Variants in BMPR1B observed in about 807,000 individuals in gnomAD.
BMPR1B encodes the protein bone morphogenetic protein receptor type 1B.
BMPR1B carries 12 observed loss-of-function variants against 59.1 expected under a neutral mutation model. That is an observed-to-expected ratio of 0.20 (90% CI 0.13 to 0.33). The LOEUF (loss-of-function observed/expected upper bound fraction) is 0.33. Among genes scored for constraint, BMPR1B ranks in the 10% least tolerant of loss-of-function variants. BMPR1B has a pLI of 1.00. For missense variants in BMPR1B, 550 were observed against 610.9 expected, an observed-to-expected ratio of 0.90 and a Z score of 1.05; for synonymous variants, 237 against 207.3, an observed-to-expected ratio of 1.14 and a Z score of -1.23.
At chr4:94,993,498 G>A (rs577830865) in intron 2 of BMPR1B, among the ~76,000 whole-genome samples, 7 of 151,782 alleles carry the variant, frequency 4.6e-5, no homozygotes, top group South Asian at 4.2e-4. Context: ...AGTGGCTCAC[G>A]CTTGTAATCC....
intron 1 of BMPR1B, among the ~76,000 whole-genome samples, chr4:94,841,377 A>G (rs1418554490): frequency 6.7e-6 from 1 of 150,330 alleles, no homozygotes; most frequent in African/African-American, 2.5e-5. Context: ...GCCGCCTTGC[A>G]GTTTGATCTC....
At chr4:94,866,724 C>T (rs1322756863) in intron 1 of BMPR1B, among the ~76,000 whole-genome samples, 1 of 152,112 alleles carries the variant, frequency 6.6e-6, no homozygotes, top group Non-Finnish European at 1.5e-5. Context: ...AGCTGGATTA[C>T]AGGCATGCGC....
chr4:94,968,856 A>T (rs1578862428), intron 2 of BMPR1B, among the ~76,000 whole-genome samples: 1 of 152,136 alleles, frequency 6.6e-6, no homozygotes, highest in Non-Finnish European at 1.5e-5. Context: ...ATTTGCCTAC[A>T]TATTCTCATG....
At chr4:94,835,022 C>A (rs1480327609) in intron 1 of BMPR1B, among the ~76,000 whole-genome samples, 1 of 151,226 alleles carries the variant, frequency 6.6e-6, no homozygotes, top group Non-Finnish European at 1.5e-5. Flanking sequence ...ATTTGACAAC[C>A]ATTAATTTAT....
intron 1 of BMPR1B, among the ~76,000 whole-genome samples, chr4:94,825,324 G>A (rs1386115527): frequency 6.6e-6 from 1 of 152,010 alleles, no homozygotes; most frequent in African/African-American, 2.4e-5. Context: ...GCAAGAAAGT[G>A]AGAGGTCATC....
At chr4:95,113,002 A>G (rs888270185) in intron 4 of BMPR1B, among the ~76,000 whole-genome samples, 19 of 152,014 alleles carry the variant, frequency 1.2e-4, no homozygotes, top group African/African-American at 3.9e-4. Context: ...TTTTCCGGTA[A>G]TTTTTGAATT....
intron 3 of BMPR1B, among the ~76,000 whole-genome samples, chr4:95,032,030 G>A (rs1336070425): frequency 6.6e-6 from 1 of 152,172 alleles, no homozygotes; most frequent in East Asian, 1.9e-4. Flanking sequence ...AGTCTCTGGA[G>A]CTCTTTTCAT....
intron 2 of BMPR1B, among the ~76,000 whole-genome samples, chr4:94,950,069 G>T (rs896539537): frequency 2.0e-4 from 30 of 152,052 alleles, no homozygotes; most frequent in African/African-American, 5.8e-4. Flanking sequence ...TCATGTGTTT[G>T]TTGGCCACAT....
intron 2 of BMPR1B, among the ~76,000 whole-genome samples, chr4:94,929,140 T>A (rs1728998597): frequency 6.6e-6 from 1 of 152,092 alleles, no homozygotes; most frequent in African/African-American, 2.4e-5. Context: ...AATGCTTTAA[T>A]CCAGTAAGTG....
chr4:95,130,113 T>G, intron 9 of BMPR1B, 59 bp downstream of exon 9: 1 of 1,573,138 alleles, frequency 6.4e-7, no homozygotes, highest in South Asian at 1.1e-5. Flanking sequence ...TGTCTTTCTG[T>G]TAACATCTGC....
chr4:94,769,626 T>C (rs1271935361), intron 1 of BMPR1B, among the ~76,000 whole-genome samples: 1 of 150,780 alleles, frequency 6.6e-6, no homozygotes, highest in African/African-American at 2.4e-5. Context: ...AAAAAAAAAT[T>C]GACAGATGAT....
In BMPR1B at chr4:94,870,874, G is replaced by T. The variant is rs371458754; in HGVS notation, c.-182-4957G>T. 1.9e-4 allele frequency among the ~76,000 whole-genome samples: 29 copies of T among 152,190 alleles called. No individual in the cohort carries two copies. In the South Asian group the frequency reaches 4.4e-3, roughly 23 times the overall value. On this transcript the variant is annotated intron_variant, in intron 1 of 12. Coordinates refer to ENST00000515059, the MANE Select transcript of BMPR1B (RefSeq NM_001203.3). ...AACGTTGGAAGGTGTCTTTTGGTAG[G>T]CTCTTAAACAATTATGGAACTGTGG...
intron 1 of BMPR1B, among the ~76,000 whole-genome samples, chr4:94,865,234 G>A (rs1246577937): frequency 6.6e-6 from 1 of 151,422 alleles, no homozygotes; most frequent in Non-Finnish European, 1.5e-5. Flanking sequence ...GTCTCGAACT[G>A]CCAACCTTGC....
intron 2 of BMPR1B, among the ~76,000 whole-genome samples, chr4:94,915,854 G>A (rs1191947329): frequency 6.6e-6 from 1 of 152,168 alleles, no homozygotes. Flanking sequence ...CTAGTGGGAG[G>A]TGTTTCAGTT....
At chr4:95,139,730 G>C (rs1734078005) in intron 10 of BMPR1B, among the ~76,000 whole-genome samples, 1 of 152,172 alleles carries the variant, frequency 6.6e-6, no homozygotes, top group Non-Finnish European at 1.5e-5. Context: ...GGGACCCTCG[G>C]AGCCATGCGC....
intron 3 of BMPR1B, among the ~76,000 whole-genome samples, chr4:95,020,346 G>A (rs990348150): frequency 4.6e-5 from 7 of 152,158 alleles, no homozygotes; most frequent in Non-Finnish European, 8.8e-5. Flanking sequence ...TTGGGAGGCC[G>A]AGGCGGGCAG....
chr4:95,041,215 T>A (rs1264359092), intron 3 of BMPR1B, among the ~76,000 whole-genome samples: 1 of 151,874 alleles, frequency 6.6e-6, no homozygotes, highest in Non-Finnish European at 1.5e-5. Context: ...CCTGGCTAAT[T>A]TTTTTTTGTT....
intron 3 of BMPR1B, among the ~76,000 whole-genome samples, chr4:95,011,728 A>T (rs1420172540): frequency 1.3e-5 from 2 of 152,116 alleles, no homozygotes; most frequent in Non-Finnish European, 2.9e-5. Flanking sequence ...AAGGAAAAAG[A>T]AAAGATGGGG....
intron 4 of BMPR1B, among the ~76,000 whole-genome samples, chr4:95,110,890 A>G (rs571118983): frequency 6.6e-5 from 10 of 152,074 alleles, no homozygotes; most frequent in African/African-American, 2.4e-4. Flanking sequence ...TGGACTAAAA[A>G]GCTGCACCCT....
Sources: allele counts gnomAD v4.1 joint callset (sites outside exome capture counted in the v4.1 genomes callset), GRCh38; gene constraint gnomAD v4.1.1; transcripts MANE v1.5; gene names NCBI Gene and HGNC (gene_info 2026-07-23, HGNC 2026-07-21).